Variants in MICAL3 observed in about 807,000 individuals in gnomAD.
MICAL3 encodes the protein microtubule associated monooxygenase, calponin and LIM domain containing 3, also known as [F-actin]-monooxygenase MICAL3.
A neutral mutation model predicts 207.4 loss-of-function variants in MICAL3; 62 were observed. The ratio of observed to expected loss-of-function variants is 0.30; its 90% CI spans 0.24 to 0.37. MICAL3 has a LOEUF of 0.37. Ranked by LOEUF, MICAL3 falls within the 10% of genes least tolerant of loss-of-function variation. The pLI is 1.00. For missense variants in MICAL3, 2,368 were observed against 2,635.6 expected, an observed-to-expected ratio of 0.90 and a Z score of 2.22; for synonymous variants, 1,077 against 1,069.3, an observed-to-expected ratio of 1.01 and a Z score of -0.14.
intron 19 of MICAL3, among the ~76,000 whole-genome samples, chr22:17,851,578 A>G (rs1925346707): frequency 6.6e-6 from 1 of 152,188 alleles, no homozygotes; most frequent in Non-Finnish European, 1.5e-5. Flanking sequence ...CTCCACTATA[A>G]TGTTGAGCAT....
intron 1 of MICAL3, chr22:18,005,755 TGAA>T (rs759894538): frequency 5.9e-5 from 9 of 152,190 alleles, no homozygotes; most frequent in Non-Finnish European, 1.2e-4. Flanking sequence ...CCCATGTCAA[TGAA>T]GAAGGGACTT....
rs767739579 is a variant in MICAL3 at position 17,818,126 on chromosome 22, G to A, written c.4535C>T (p.Ser1512Leu). ...AATCTCCTCCACGCTCTCCACAAAC[G>A]ACTTCCGCACCTCCTCTCTGGGGGG... ...AQPPREEVRK[S>L]FVESVEEIPF... Residue 1512 changes from serine to leucine, a missense_variant, in exon 26 of 32, where the codon TCG (serine) becomes TTG (leucine). Coordinates refer to ENST00000441493, the MANE Select transcript of MICAL3 (RefSeq NM_015241.3). The A allele has an allele frequency of 3.1e-6, 5 of 1,610,618 alleles. No homozygotes were observed. The highest frequency in any genetic ancestry group is 2.2e-5 in the East Asian group (1 of 44,798).
chr22:17,965,375 G>C (rs1935101273), intron 1 of MICAL3, among the ~76,000 whole-genome samples: 1 of 152,138 alleles, frequency 6.6e-6, no homozygotes, highest in East Asian at 1.9e-4. Flanking sequence ...CTGAAGGCAT[G>C]TCACTAACAC....
chr22:17,916,995 A>G lies in MICAL3; in HGVS notation c.-74-10109T>C, dbSNP rs567163162. Among the ~76,000 whole-genome samples, 5 of 152,312 alleles carry G rather than the reference A, an allele frequency of 3.3e-5. No individual in the cohort carries two copies. The South Asian group carries it at 8.3e-4, about 25-fold the overall frequency. On this transcript the variant is annotated intron_variant, in intron 1 of 31. Transcript: ENST00000441493. ...CCCCTATCAGTTGGCATAAAAGGAAACATTTTACAACAGCCCTTACTACCG... is the reference window on the plus strand; with the variant it reads ...CCCCTATCAGTTGGCATAAAAGGAAGCATTTTACAACAGCCCTTACTACCG...
intron 1 of MICAL3, among the ~76,000 whole-genome samples, chr22:17,987,341 G>A (rs1174821705): frequency 7.9e-5 from 12 of 152,248 alleles, no homozygotes; most frequent in Admixed American, 7.2e-4. Flanking sequence ...GTAACTGAGC[G>A]GCTGTTCTGT....
At chr22:17,845,597 C>A (rs1380410254) in intron 19 of MICAL3, among the ~76,000 whole-genome samples, 1 of 152,060 alleles carries the variant, frequency 6.6e-6, no homozygotes, top group Admixed American at 6.6e-5. Context: ...AAAAAACATT[C>A]TGTGAGGTAG....
chr22:17,852,281 C>T (rs1283858988), intron 19 of MICAL3, among the ~76,000 whole-genome samples: 1 of 152,216 alleles, frequency 6.6e-6, no homozygotes, highest in African/African-American at 2.4e-5. Context: ...GCCGCAGTGC[C>T]CATGACTACC....
At chr22:17,860,549 G>C (rs1032570204) in intron 19 of MICAL3, 8 of 985,484 alleles carry the variant, frequency 8.1e-6, no homozygotes, top group Non-Finnish European at 9.6e-6. Flanking sequence ...AACTCCTTTT[G>C]GGACAGCCTA....
chr22:17,904,552 G>T, intron 3 of MICAL3, 80 bp downstream of exon 3: 2 of 1,077,568 alleles, frequency 1.9e-6, no homozygotes, highest in Non-Finnish European at 2.9e-6. Context: ...GAATTCCTCA[G>T]CTAATCTGCC....
intron 20 of MICAL3, among the ~76,000 whole-genome samples, chr22:17,836,589 G>A (rs1166468544): frequency 6.6e-6 from 1 of 151,972 alleles, no homozygotes; most frequent in Non-Finnish European, 1.5e-5. Flanking sequence ...AGGAATTCAA[G>A]CAGACCCTAC....
intron 1 of MICAL3, among the ~76,000 whole-genome samples, chr22:17,928,297 G>A (rs548876067): frequency 6.6e-6 from 1 of 152,262 alleles, no homozygotes; most frequent in Non-Finnish European, 1.5e-5. Context: ...AAATTAGCGG[G>A]GCGTGGTGGC....
chr22:18,016,315 G>A (rs74605044), intron 1 of MICAL3, among the ~76,000 whole-genome samples: 1 of 152,184 alleles, frequency 6.6e-6, no homozygotes, highest in African/African-American at 2.4e-5. Context: ...TCATGTAGAT[G>A]AATTTCTTTT....
intron 21 of MICAL3, among the ~76,000 whole-genome samples, chr22:17,828,075 C>A (rs1922396232): frequency 6.6e-6 from 1 of 152,210 alleles, no homozygotes; most frequent in South Asian, 2.1e-4. Context: ...CTTTCTGAGG[C>A]TCCTTTCATC....
At chr22:17,877,036 G>GGAGGTTAT (rs1569109721) in intron 16 of MICAL3, among the ~76,000 whole-genome samples, 33 of 52,082 alleles carry the variant, frequency 6.3e-4, no homozygotes, top group Middle Eastern at 0.014. Context: ...ATGGAGGTTA[G>GGAGGTTAT]GGAGGTTATG....
chr22:17,874,174 T>C (rs1339204013), intron 16 of MICAL3, among the ~76,000 whole-genome samples: 2 of 152,220 alleles, frequency 1.3e-5, no homozygotes, highest in Non-Finnish European at 2.9e-5. Context: ...TAGCTTTTAA[T>C]TCAAAAATAA....
intron 1 of MICAL3, among the ~76,000 whole-genome samples, chr22:17,977,571 A>G (rs1008574690): frequency 6.6e-6 from 1 of 152,068 alleles, no homozygotes; most frequent in African/African-American, 2.4e-5. Context: ...ACAAGTGTTG[A>G]CAAGGATGTG....
chr22:17,810,916 G>A (rs761446935), intron 27 of MICAL3, 103 bp from the exon 28 acceptor site: 69 of 869,504 alleles, frequency 7.9e-5, no homozygotes, highest in Non-Finnish European at 1.1e-4. Context: ...CCCCCATGTC[G>A]GAGCTGGTAC....
intron 19 of MICAL3, chr22:17,863,609 G>A (rs565378343): frequency 1.0e-6 from 1 of 985,450 alleles, no homozygotes; most frequent in Admixed American, 6.1e-5. Flanking sequence ...TAAAAAACTT[G>A]CTCAGATGAT....
At chr22:17,926,967 A>C (rs1344878538) in intron 1 of MICAL3, among the ~76,000 whole-genome samples, 2 of 152,222 alleles carry the variant, frequency 1.3e-5, no homozygotes, top group African/African-American at 4.8e-5. Context: ...AACCATTTTT[A>C]ATTGTACAAT....
Sources: allele counts gnomAD v4.1 joint callset (sites outside exome capture counted in the v4.1 genomes callset), GRCh38; gene constraint gnomAD v4.1.1; transcripts MANE v1.5; gene names NCBI Gene and HGNC (gene_info 2026-07-23, HGNC 2026-07-21).